The following HABP4 variants were observed in gnomAD, a reference collection of about 807,000 sequenced individuals.
HABP4 encodes intracellular hyaluronan-binding protein 4.
Under a neutral mutation model 44.1 loss-of-function variants are expected in HABP4, and 32 were observed. The ratio of observed to expected loss-of-function variants is 0.73; its 90% CI spans 0.55 to 0.97. HABP4 has a LOEUF of 0.97. Among genes scored for constraint, HABP4 ranks in the 50% least tolerant of loss-of-function variants. The pLI is 0.00. For missense variants in HABP4, 503 were observed against 561.9 expected, an observed-to-expected ratio of 0.90 and a Z score of 1.06; for synonymous variants, 216 against 218.0, an observed-to-expected ratio of 0.99 and a Z score of 0.08.
At chr9:96,480,599 G>A (rs1832859556) in intron 5 of HABP4, among the ~76,000 whole-genome samples, 2 of 152,068 alleles carry the variant, frequency 1.3e-5, no homozygotes, top group Non-Finnish European at 2.9e-5. Context: ...TTTTACATAA[G>A]TATTCATTAG....
rs1308699310 is a variant in HABP4, at chr9:96,484,437, TTTATGA to T, written c.828-20_828-15del. On this transcript the variant is annotated intron_variant, in intron 5 of 7. Coordinates refer to ENST00000375249, the MANE Select transcript of HABP4 (RefSeq NM_014282.4). The stretch of plus-strand genomic sequence containing the variant: ...ATTTTAGTACCATCAAAAAGTATTC[TTTATGA>T]TTATATATCTCTTTATAGAGTTCCT... 9.1e-7 allele frequency: 1 copy of T among 1,104,160 alleles called. No individual in the cohort carries two copies. Among genetic ancestry groups the T allele is most frequent in the East Asian group, 2.4e-5 (1 of 42,344 alleles). The allele number at this position is 1,104,160 out of a possible 1,614,324, so 68.4% of individuals were successfully genotyped here.
Position 96,488,620 on chromosome 9 carries a change from G to A in HABP4, c.1185+346G>A, listed in dbSNP as rs1373054169. ...ATTGTGTGCCTTGGGCTCAGGTGAT[G>A]CTGTCAGAGTGGACAGAATCCTCCC... is the stretch of plus-strand genomic sequence containing the variant. On this transcript the variant is annotated intron_variant, in intron 7 of 7. Coordinates refer to ENST00000375249, the MANE Select transcript of HABP4 (RefSeq NM_014282.4). The surrounding 1 kb of genome is among the most constrained non-coding windows in gnomAD (Gnocchi z 4.6). Among the ~76,000 whole-genome samples the A allele has an allele frequency of 6.6e-6, 1 of 152,186 alleles. No homozygotes were observed. Among genetic ancestry groups the A allele is most frequent in the African/African-American group, 2.4e-5 (1 of 41,452 alleles).
At chr9:96,483,319 G>A (rs1050156821) in intron 5 of HABP4, 1 of 152,054 alleles carries the variant, frequency 6.6e-6, no homozygotes. Flanking sequence ...TTTTTGGGGG[G>A]AGGGTGGTCA....
intron 2 of HABP4, 96 bp from the exon 3 acceptor site, chr9:96,465,241 C>A: frequency 1.3e-6 from 1 of 760,980 alleles, no homozygotes. Context: ...CCATTCTTTC[C>A]AGTATACTAT....
chr9:96,475,001 G>A (rs1832758981), intron 5 of HABP4, among the ~76,000 whole-genome samples: 2 of 152,124 alleles, frequency 1.3e-5, no homozygotes, highest in Admixed American at 6.5e-5. Flanking sequence ...TTTCATTACA[G>A]AAGTATTAAC....
At chr9:96,470,968 T>G (rs1317618682) in intron 4 of HABP4, 43 bp from the exon 5 acceptor site, 1 of 1,059,986 alleles carries the variant, frequency 9.4e-7, no homozygotes, top group Non-Finnish European at 1.5e-6. Context: ...GGCATTGGTA[T>G]GAATGTATTT....
intron 6 of HABP4, among the ~76,000 whole-genome samples, chr9:96,484,986 C>G (rs143118463): frequency 6.6e-6 from 1 of 151,858 alleles, no homozygotes; most frequent in East Asian, 1.9e-4. Flanking sequence ...GAACTACACT[C>G]TGTGTCCCCT....
At position 96,450,249 on chromosome 9, in the gene HABP4, G is replaced by T; in HGVS notation, c.-31G>T. ...TCGCTGAGACGCGCTCGCGTGGGCT[G>T]CCCTCCCGGGCCCGCAGTGGTCGCG... is the stretch of plus-strand genomic sequence containing the variant. On this transcript the variant is annotated 5_prime_UTR_variant, in exon 1 of 8. Coordinates refer to ENST00000375249, the MANE Select transcript of HABP4 (RefSeq NM_014282.4). This position sits in a 1 kb window ranked among gnomAD's most constrained non-coding sequence, Gnocchi z 4.8. The T allele has an allele frequency of 7.2e-7, 1 of 1,380,346 alleles. No individual in the cohort carries two copies. The highest frequency in any genetic ancestry group is 9.5e-7 in the Non-Finnish European group (1 of 1,055,652). The allele number at this position is 1,380,346 out of a possible 1,614,324, so 85.5% of individuals were successfully genotyped here. A position where few individuals can be genotyped will look rare whatever the true frequency, so the allele number is the denominator to read the frequency against.
intron 5 of HABP4, among the ~76,000 whole-genome samples, chr9:96,475,889 A>T (rs1832778612): frequency 6.6e-6 from 1 of 152,108 alleles, no homozygotes; most frequent in African/African-American, 2.4e-5. Flanking sequence ...AACAATGAAG[A>T]TTTTCTTATG....
chr9:96,484,632 A>G lies in HABP4; in HGVS notation c.998A>G (p.Asp333Gly). 1 of 1,526,596 alleles carries G rather than the reference A, an allele frequency of 6.6e-7. No individual in the cohort carries two copies. The highest frequency in any genetic ancestry group is 9.1e-7 in the Non-Finnish European group (1 of 1,102,164). 94.6% of individuals were successfully genotyped at this position (1,526,596 alleles called of 1,614,324 possible). A position where few individuals can be genotyped will look rare whatever the true frequency, so the allele number is the denominator to read the frequency against. Residue 333 changes from aspartate (D) to glycine (G), a missense_variant and splice_region_variant, in exon 6 of 8, where the codon GAT (aspartate) becomes GGT (glycine). By Grantham distance (94) the Asp-to-Gly change is moderately conservative. This residue lies in a region of HABP4 where 131 missense variants were observed against 189.8 expected (regional missense o/e 0.69). Coordinates refer to ENST00000375249, the MANE Select transcript of HABP4 (RefSeq NM_014282.4). ...ATTCACAAGTCAAAATACAGAGATG[A>G]TGTAAGCATTGCATTTCGTATGTAG... ...VVIHKSKYRDDMVKDDYEDDS... is the reference protein window; with the variant it reads ...VVIHKSKYRDGMVKDDYEDDS...
At chr9:96,467,549 G>A (rs111784093) in intron 4 of HABP4, among the ~76,000 whole-genome samples, 3,258 of 119,446 alleles carry the variant, frequency 0.027, 137 homozygotes, top group African/African-American at 0.1. Context: ...TTTTTGAGAC[G>A]GAGTCTCACT....
intron 1 of HABP4, among the ~76,000 whole-genome samples, chr9:96,454,705 C>T (rs1296148959): frequency 1.3e-5 from 2 of 152,150 alleles, no homozygotes; most frequent in African/African-American, 4.8e-5. Flanking sequence ...GCCTTGGACT[C>T]CCAAAGTGCT....
At chr9:96,478,478 C>A (rs1832821751) in intron 5 of HABP4, among the ~76,000 whole-genome samples, 1 of 152,108 alleles carries the variant, frequency 6.6e-6, no homozygotes, top group Non-Finnish European at 1.5e-5. Flanking sequence ...ACTTTCATTT[C>A]TCCTGGGTAA....
intron 6 of HABP4, 109 bp downstream of exon 6, chr9:96,484,742 C>A: frequency 1.5e-6 from 1 of 676,682 alleles, no homozygotes; most frequent in Admixed American, 2.6e-5. Context: ...AGTTGGCAGT[C>A]TTTGTTTCTA....
chr9:96,465,859 C>A (rs1832591944), intron 4 of HABP4, 81 bp downstream of exon 4: 4 of 794,918 alleles, frequency 5.0e-6, no homozygotes, highest in South Asian at 4.3e-5. Flanking sequence ...AAAATGATGT[C>A]TTCTGTATTG....
Position 96,450,575 on chromosome 9 carries a change from C to T in HABP4, c.296C>T (p.Pro99Leu). 2.3e-6 allele frequency: 3 copies of T among 1,279,824 alleles called. No individual in the cohort carries two copies. Among genetic ancestry groups the T allele is most frequent in the Non-Finnish European group, 2.0e-6 (2 of 1,013,424 alleles). The allele number at this position is 1,279,824 out of a possible 1,614,324, so 79.3% of individuals were successfully genotyped here. Residue 99 changes from proline (P) to leucine (L), a missense_variant, in exon 1 of 8, where the codon CCG (proline) becomes CTG (leucine). Coordinates refer to ENST00000375249, the MANE Select transcript of HABP4 (RefSeq NM_014282.4). The surrounding 1 kb of genome is among the most constrained non-coding windows in gnomAD (Gnocchi z 4.8). ...RESQKERKSL[P>L]APVAQRPDSP... ...TCGCAGAAGGAGCGCAAGAGCCTCC[C>T]GGCGCCCGTCGCTCAGCGGCCCGAT...
At position 96,453,143 on chromosome 9, in the gene HABP4, T is replaced by G. The variant is rs540784084; in HGVS notation, c.349+2515T>G. Among the ~76,000 whole-genome samples, 24 of 147,034 alleles carry G rather than the reference T, an allele frequency of 1.6e-4. No homozygotes were observed. The East Asian group carries it at 4.8e-3, about 29-fold the overall frequency. On this transcript the variant is annotated intron_variant, in intron 1 of 7. Transcript: ENST00000375249. ...GTGCAGTGGCGGGATCTTGACTCAC[T>G]GCAACCTCTGCCTCCCCGGTTCAAG...
At chr9:96,487,556 A>G (rs1474654102) in intron 6 of HABP4, among the ~76,000 whole-genome samples, 1 of 152,150 alleles carries the variant, frequency 6.6e-6, no homozygotes, top group Non-Finnish European at 1.5e-5. Flanking sequence ...AAATCATGTG[A>G]TTTTTAGCAC....
chr9:96,458,452 A>T lies in HABP4; in HGVS notation c.423A>T (p.Glu141Asp). 6.2e-7 allele frequency: 1 copy of T among 1,613,724 alleles called. No homozygotes were observed. The highest frequency in any genetic ancestry group is 8.5e-7 in the Non-Finnish European group (1 of 1,179,626). ...GCCGTGGGCCGGAGGGGATGCTCGA[A>T]AGAGCTGAGCGGAGATCCTACAGGG... ...NDSRGPEGML[E>D]RAERRSYREY... Residue 141 changes from glutamate to aspartate, a missense_variant, in exon 2 of 8, where the codon GAA (glutamate) becomes GAT (aspartate). Glu to Asp is a conservative substitution (Grantham distance 45). This residue lies in a region of HABP4 where 290 missense variants were observed against 300.5 expected (regional missense o/e 0.97). Transcript: ENST00000375249.
Sources: gnomAD v4.1 joint callset for allele counts (sites outside exome capture counted in the v4.1 genomes callset) on GRCh38, gnomAD v4.1.1 for gene constraint, gnomAD v4.1.1 regional missense constraint, Gnocchi (gnomAD v3.1) non-coding constraint, MANE v1.5 for transcripts, NCBI Gene and HGNC (gene_info 2026-07-23, HGNC 2026-07-21) for gene names.